The following ARHGEF12 variants were observed in gnomAD, a reference collection of about 807,000 sequenced individuals.
ARHGEF12 encodes the protein KMT2A/ARHGEF12 fusion protein.
In ARHGEF12, 66 loss-of-function variants were observed where a neutral mutation model predicts 211.2. The ratio of observed to expected loss-of-function variants is 0.31; its 90% CI spans 0.26 to 0.38. The LOEUF (loss-of-function observed/expected upper bound fraction) is 0.38, where lower values mean the gene tolerates loss of function less well. ARHGEF12 is among the 10% of genes least tolerant of loss of function. The pLI, the probability that ARHGEF12 is intolerant of heterozygous loss-of-function variation, is 1.00. For synonymous variants in ARHGEF12, 592 were observed against 638.4 expected (o/e 0.93, Z 1.09); for missense variants, 1,429 against 1,869.5 (o/e 0.76, Z 4.34).
At position 120,457,718 on chromosome 11, in the gene ARHGEF12, T is replaced by C. The variant is rs1329780565; in HGVS notation, c.2190-3T>C. 1 of 1,605,666 alleles carries C rather than the reference T, an allele frequency of 6.2e-7. No individual in the cohort carries two copies. ...TGTTACTCTTTACTTTCCATTGTTTTAGGGTGACTGAACATGGGACACCAA... is the reference window on the plus strand; with the variant it reads ...TGTTACTCTTTACTTTCCATTGTTTCAGGGTGACTGAACATGGGACACCAA... On this transcript the variant is annotated splice_polypyrimidine_tract_variant and splice_region_variant and intron_variant, in intron 23 of 40. Coordinates refer to ENST00000397843, the MANE Select transcript of ARHGEF12 (RefSeq NM_015313.3).
chr11:120,369,982 GCATGTTTTTATA>G (rs1943545848), intron 1 of ARHGEF12, among the ~76,000 whole-genome samples: 1 of 152,030 alleles, frequency 6.6e-6, no homozygotes. Flanking sequence ...TTGCTCCTAT[GCATGTTTTTATA>G]CTTTGGCTAT....
intron 30 of ARHGEF12, among the ~76,000 whole-genome samples, chr11:120,471,445 T>C (rs562789897): frequency 8.7e-4 from 133 of 152,236 alleles, no homozygotes; most frequent in Non-Finnish European, 1.5e-3. Context: ...CTGGTTCCCA[T>C]TGGGGATGAG....
rs148750705 is a variant in ARHGEF12 at position 120,447,984 on chromosome 11, A to G, written c.1622+78A>G. The G allele has an allele frequency of 5.2e-6, 6 of 1,149,128 alleles. No homozygotes were observed. The African/African-American group carries it at 9.5e-5, about 18-fold the overall frequency. 71.2% of individuals were successfully genotyped at this position (1,149,128 alleles called of 1,614,324 possible). A position where few individuals can be genotyped will look rare whatever the true frequency, so the allele number is the denominator to read the frequency against. Reference sequence around the variant, plus strand: ...TTTTTTCCTTTCAGTCCTAAATTACAATTTATTTCTTTTAACTTACAAATA... The same window carrying G: ...TTTTTTCCTTTCAGTCCTAAATTACGATTTATTTCTTTTAACTTACAAATA... On this transcript the variant is annotated intron_variant, in intron 19 of 40. Transcript: ENST00000397843.
chr11:120,488,570 A>G lies in ARHGEF12; in HGVS notation c.*3493A>G, dbSNP rs886972800. On this transcript the variant is annotated 3_prime_UTR_variant, in exon 41 of 41. Transcript: ENST00000397843. Reference sequence around the variant, plus strand: ...TTCCCCACTGGTATTGAGGGTTTTGATAATAAATTGGTAGGAAAAAAAAGT... The same window carrying G: ...TTCCCCACTGGTATTGAGGGTTTTGGTAATAAATTGGTAGGAAAAAAAAGT... 9.1e-6 allele frequency: 2 copies of G among 219,210 alleles called. No homozygotes were observed. Among genetic ancestry groups the G allele is most frequent in the African/African-American group, 2.3e-5 (1 of 44,438 alleles). The allele number at this position is 219,210 out of a possible 1,614,324, so 13.6% of individuals were successfully genotyped here. A position where few individuals can be genotyped will look rare whatever the true frequency, so the allele number is the denominator to read the frequency against.
intron 1 of ARHGEF12, among the ~76,000 whole-genome samples, chr11:120,386,738 A>G (rs1054849097): frequency 6.6e-6 from 1 of 152,162 alleles, no homozygotes; most frequent in Non-Finnish European, 1.5e-5. Context: ...TTTAATCCTC[A>G]TAACAACCTA....
chr11:120,393,857 CTT>C (rs143984006), intron 1 of ARHGEF12, among the ~76,000 whole-genome samples: 5 of 145,600 alleles, frequency 3.4e-5, no homozygotes, highest in Admixed American at 6.9e-5. Context: ...CAACCAAATA[CTT>C]TTTTTTTTTT....
chr11:120,428,245 G>C lies in ARHGEF12; in HGVS notation c.583G>C (p.Gly195Arg). 6.4e-7 allele frequency: 1 copy of C among 1,569,322 alleles called. No homozygotes were observed. The highest frequency in any genetic ancestry group is 8.6e-7 in the Non-Finnish European group (1 of 1,157,568). Reference protein sequence around the residue: ...MERITSPVLMGEENNVVHNQK... With the variant: ...MERITSPVLMREENNVVHNQK... Reference sequence around the variant, plus strand: ...GAGAATCACTAGTCCTGTGCTCATGGGGGTAAGAATGGGGAAATTTCTTAG... The same window carrying C: ...GAGAATCACTAGTCCTGTGCTCATGCGGGTAAGAATGGGGAAATTTCTTAG... The change falls in exon 8 of 41, where the codon GGG becomes CGG. Residue 195 changes from glycine (G) to arginine (R), a missense_variant and splice_region_variant. Physicochemically the swap from Gly to Arg is moderately radical, Grantham distance 125 (BLOSUM62 -2). This residue lies in a region of ARHGEF12 where 254 missense variants were observed against 286.4 expected (regional missense o/e 0.89). Coordinates refer to ENST00000397843, the MANE Select transcript of ARHGEF12 (RefSeq NM_015313.3).
intron 15 of ARHGEF12, among the ~76,000 whole-genome samples, chr11:120,443,021 CTT>C (rs371200953): frequency 1.3e-4 from 18 of 133,636 alleles, no homozygotes; most frequent in Non-Finnish European, 1.3e-4. Context: ...GAGTGACTGT[CTT>C]TTTTTTTTTT....
intron 6 of ARHGEF12, 23 bp downstream of exon 6, chr11:120,421,875 AT>A: frequency 6.3e-7 from 1 of 1,588,810 alleles, no homozygotes; most frequent in Non-Finnish European, 8.6e-7. Flanking sequence ...CTATTATAGA[AT>A]TTACGGTAGG....
At chr11:120,401,598 AAGG>A (rs1316256633) in intron 1 of ARHGEF12, among the ~76,000 whole-genome samples, 1 of 152,198 alleles carries the variant, frequency 6.6e-6, no homozygotes, top group South Asian at 2.1e-4. Flanking sequence ...TGATATTTTA[AAGG>A]AGATGAGGAA....
At chr11:120,369,605 A>G (rs981231088) in intron 1 of ARHGEF12, among the ~76,000 whole-genome samples, 3 of 152,222 alleles carry the variant, frequency 2.0e-5, no homozygotes, top group African/African-American at 7.2e-5. Flanking sequence ...ATGCAGTTTC[A>G]ACAAAAGTAG....
intron 1 of ARHGEF12, among the ~76,000 whole-genome samples, chr11:120,387,361 T>A (rs1445547547): frequency 1.3e-5 from 2 of 152,040 alleles, no homozygotes; most frequent in African/African-American, 4.8e-5. Flanking sequence ...CCCAAATATG[T>A]CACGAGGACC....
chr11:120,419,712 C>G (rs921561301), intron 4 of ARHGEF12, among the ~76,000 whole-genome samples: 2 of 152,026 alleles, frequency 1.3e-5, no homozygotes, highest in Non-Finnish European at 2.9e-5. Context: ...ATTAACATAT[C>G]TTTAGCATAT....
At chr11:120,416,152 T>A (rs918317625) in intron 4 of ARHGEF12, among the ~76,000 whole-genome samples, 2 of 152,214 alleles carry the variant, frequency 1.3e-5, no homozygotes, top group Non-Finnish European at 2.9e-5. Context: ...TCTAGGCATA[T>A]TTATAAAATT....
intron 39 of ARHGEF12, among the ~76,000 whole-genome samples, chr11:120,481,782 C>T (rs1423575551): frequency 8.0e-5 from 11 of 137,588 alleles, no homozygotes; most frequent in Admixed American, 2.3e-4. Flanking sequence ...TTTTTTGAGA[C>T]GGAGTCTCGC....
chr11:120,407,952 A>C (rs917756973), intron 3 of ARHGEF12, 129 bp downstream of exon 3: 2 of 714,244 alleles, frequency 2.8e-6, no homozygotes, highest in Admixed American at 2.7e-5. Flanking sequence ...TCCTCCAATT[A>C]TATCATAATA....
At chr11:120,449,337 A>G in intron 21 of ARHGEF12, 123 bp downstream of exon 21, 1 of 732,118 alleles carries the variant, frequency 1.4e-6, no homozygotes, top group Non-Finnish European at 2.3e-6. Context: ...TGAATTCCCA[A>G]TATGCCTTGT....
At chr11:120,428,313 G>A in intron 8 of ARHGEF12, 66 bp downstream of exon 8, 2 of 1,314,462 alleles carry the variant, frequency 1.5e-6, no homozygotes, top group South Asian at 4.7e-5. Flanking sequence ...TTTATATGGA[G>A]AGTTTTCAAG....
intron 1 of ARHGEF12, among the ~76,000 whole-genome samples, chr11:120,359,919 C>A (rs61636865): frequency 6.6e-6 from 1 of 152,180 alleles, no homozygotes; most frequent in African/African-American, 2.4e-5. Flanking sequence ...TTAACAGAGT[C>A]ATTCTTTCAA....
Sources: allele counts gnomAD v4.1 joint callset (sites outside exome capture counted in the v4.1 genomes callset), GRCh38; gene constraint gnomAD v4.1.1; regional missense constraint gnomAD v4.1.1; transcripts MANE v1.5; gene names NCBI Gene and HGNC (gene_info 2026-07-23, HGNC 2026-07-21).